Variants in GALNT13 observed in about 807,000 individuals in gnomAD.
GALNT13 encodes UDP-GalNAc:polypeptide N-acetylgalactosaminyltransferase 13.
In GALNT13, 28 loss-of-function variants were observed where a neutral mutation model predicts 64.2. The observed-to-expected ratio is 0.44, with a 90% CI of 0.32 to 0.60. The LOEUF is 0.60. Ranked by LOEUF, GALNT13 falls within the 20% of genes least tolerant of loss-of-function variation. The pLI, the probability that GALNT13 is intolerant of heterozygous loss-of-function variation, is 0.05. For missense variants in GALNT13, 577 were observed against 669.8 expected, an observed-to-expected ratio of 0.86 and a Z score of 1.53; for synonymous variants, 214 against 224.6, an observed-to-expected ratio of 0.95 and a Z score of 0.42.
chr2:154,049,919 C>T (rs769193805), intron 3 of GALNT13, among the ~76,000 whole-genome samples: 9 of 151,928 alleles, frequency 5.9e-5, no homozygotes, highest in Non-Finnish European at 5.9e-5. Flanking sequence ...TTCTGTTTGA[C>T]CAATACCAGC....
At chr2:153,149,859 C>T in the GALNT13 span, among the ~76,000 whole-genome samples, 3 of 151,778 alleles carry the variant, frequency 2.0e-5, no homozygotes, top group South Asian at 6.2e-4. Flanking sequence ...CTGAAGAAAA[C>T]ATTCTCTCTA....
the GALNT13 span, among the ~76,000 whole-genome samples, chr2:153,610,920 T>C: frequency 0.88 from 134,132 of 152,114 alleles, 59,201 homozygotes; most frequent in East Asian, 0.98. Flanking sequence ...AAAGTCCAAC[T>C]AATAATTTCT....
intron 3 of GALNT13, among the ~76,000 whole-genome samples, chr2:154,046,689 G>A (rs1416996414): frequency 6.6e-6 from 1 of 152,114 alleles, no homozygotes; most frequent in Non-Finnish European, 1.5e-5. Flanking sequence ...GCTTTACTAT[G>A]AGCTCAACAG....
At chr2:153,855,866 GT>G in the GALNT13 span, among the ~76,000 whole-genome samples, 1 of 152,140 alleles carries the variant, frequency 6.6e-6, no homozygotes, top group African/African-American at 2.4e-5. Context: ...AATGTGGTAT[GT>G]TTATCTGATT....
At chr2:153,757,407 A>G in the GALNT13 span, among the ~76,000 whole-genome samples, 9 of 152,332 alleles carry the variant, frequency 5.9e-5, no homozygotes, top group African/African-American at 2.2e-4. Flanking sequence ...GTTTTTGTCC[A>G]TTAATTGACT....
At chr2:153,715,826 C>T in the GALNT13 span, among the ~76,000 whole-genome samples, 3 of 150,266 alleles carry the variant, frequency 2.0e-5, no homozygotes, top group African/African-American at 7.3e-5. Context: ...TCTTCTTCTT[C>T]TTCTTCCTTT....
the GALNT13 span, among the ~76,000 whole-genome samples, chr2:153,365,379 A>G: frequency 1.3e-5 from 2 of 152,242 alleles, no homozygotes; most frequent in African/African-American, 4.8e-5. Flanking sequence ...ACAAAAGCCA[A>G]AATTGACAAA....
intron 8 of GALNT13, among the ~76,000 whole-genome samples, chr2:154,285,473 A>G (rs1481282007): frequency 2.0e-5 from 3 of 152,174 alleles, no homozygotes; most frequent in South Asian, 2.1e-4. Context: ...TATTAAAGAC[A>G]TTCTCTTTCC....
At chr2:153,973,536 C>A (rs1487485322) in intron 3 of GALNT13, among the ~76,000 whole-genome samples, 1 of 151,874 alleles carries the variant, frequency 6.6e-6, no homozygotes, top group East Asian at 1.9e-4. Flanking sequence ...CTAAACTTCT[C>A]CCATTATAAT....
At chr2:153,792,465 T>C in the GALNT13 span, among the ~76,000 whole-genome samples, 2 of 152,192 alleles carry the variant, frequency 1.3e-5, no homozygotes, top group Admixed American at 1.3e-4. Flanking sequence ...ATTTATAGAT[T>C]TTGGTATTCA....
the GALNT13 span, among the ~76,000 whole-genome samples, chr2:153,409,376 G>GTA: frequency 0.019 from 2,372 of 121,702 alleles, 57 homozygotes; most frequent in African/African-American, 0.065. Flanking sequence ...TCATATGTGT[G>GTA]TATATATATA....
chr2:153,410,117 A>G, the GALNT13 span, among the ~76,000 whole-genome samples: 1 of 152,088 alleles, frequency 6.6e-6, no homozygotes, highest in Non-Finnish European at 1.5e-5. Flanking sequence ...ACAGGGTGTC[A>G]CTCTGTCACC....
chr2:154,358,014 G>A (rs752113521), intron 9 of GALNT13, among the ~76,000 whole-genome samples: 6 of 151,900 alleles, frequency 3.9e-5, no homozygotes, highest in Non-Finnish European at 8.8e-5. Flanking sequence ...TCTGAGCTTT[G>A]AGTGGAATGT....
chr2:153,165,419 C>T, the GALNT13 span, among the ~76,000 whole-genome samples: 1 of 152,186 alleles, frequency 6.6e-6, no homozygotes, highest in Admixed American at 6.5e-5. Flanking sequence ...AATTCTTATA[C>T]CATAAACTGC....
the GALNT13 span, chr2:153,762,566 C>T: frequency 5.4e-6 from 1 of 184,644 alleles, no homozygotes; most frequent in Non-Finnish European, 1.2e-5. Flanking sequence ...AGGCCAGTTT[C>T]CTATAAGCCT....
intron 10 of GALNT13, among the ~76,000 whole-genome samples, chr2:154,403,392 G>A (rs1428868682): frequency 6.6e-6 from 1 of 151,606 alleles, no homozygotes. Flanking sequence ...GGAGTTGGAG[G>A]TTGCAGTGAT....
chr2:153,630,751 A>T, the GALNT13 span, among the ~76,000 whole-genome samples: 2 of 131,244 alleles, frequency 1.5e-5, no homozygotes, highest in African/African-American at 2.8e-5. Flanking sequence ...ATAAAAAAAA[A>T]TTTTAGGCTT....
At chr2:153,769,314 G>A in the GALNT13 span, among the ~76,000 whole-genome samples, 1 of 147,652 alleles carries the variant, frequency 6.8e-6, no homozygotes, top group Non-Finnish European at 1.5e-5. Flanking sequence ...GTCTGGAAAA[G>A]ACTTTATTTA....
chr2:153,278,695 T>C, the GALNT13 span, among the ~76,000 whole-genome samples: 2 of 152,134 alleles, frequency 1.3e-5, no homozygotes, highest in Admixed American at 6.5e-5. Flanking sequence ...GTTTCTATTA[T>C]GTTCCATGGG....
Sources: allele counts gnomAD v4.1 joint callset (sites outside exome capture counted in the v4.1 genomes callset), GRCh38; gene constraint gnomAD v4.1.1; transcripts MANE v1.5; gene names NCBI Gene and HGNC (gene_info 2026-07-23, HGNC 2026-07-21).